The following ST6GAL2 variants were observed in gnomAD, a reference collection of about 807,000 sequenced individuals.
ST6GAL2 encodes the protein ST6 beta-galactoside alpha-2,6-sialyltransferase 2.
Under a neutral mutation model 37.5 loss-of-function variants are expected in ST6GAL2, and 24 were observed. That is an observed-to-expected ratio of 0.64 (90% CI 0.46 to 0.90). ST6GAL2 has a LOEUF of 0.90. Ranked by LOEUF, ST6GAL2 falls within the 40% of genes least tolerant of loss-of-function variation. The pLI, the probability that ST6GAL2 is intolerant of heterozygous loss-of-function variation, is 0.00. For missense variants in ST6GAL2, 715 were observed against 712.7 expected (o/e 1.00, Z -0.04); for synonymous variants, 306 against 295.1 (o/e 1.04, Z -0.38).
At chr2:106,809,727 G>A (rs1675540954) in intron 5 of ST6GAL2, among the ~76,000 whole-genome samples, 1 of 152,160 alleles carries the variant, frequency 6.6e-6, no homozygotes, top group South Asian at 2.1e-4. Context: ...TAGGTGAAAG[G>A]CCAGTTAGAG....
rs576252675 is a variant in ST6GAL2, at chr2:106,835,506, T to G, written c.944-1360A>C. Among the ~76,000 whole-genome samples the G allele has an allele frequency of 2.8e-4, 42 of 152,348 alleles. 3 individuals are homozygous for G. In the South Asian group the frequency reaches 5.0e-3, roughly 18 times the overall value. On this transcript the variant is annotated intron_variant, in intron 2 of 5. Transcript: ENST00000409382. ...AGCTTTAGCACCAAAATTAATTCAC[T>G]TTTGGAACATGTGAATGCATAAAGC...
Position 106,830,130 on chromosome 2 carries a change from C to T in ST6GAL2, c.1254G>A (p.Trp418Ter). The T allele has an allele frequency of 6.2e-7, 1 of 1,613,924 alleles. No individual in the cohort carries two copies. Among genetic ancestry groups the T allele is most frequent in the South Asian group, 1.1e-5 (1 of 91,076 alleles). ...CTTTAGTGTTCTCCTGGATAATATC[C>T]CAGAGCTGCCATATAAATTTAGGAT... ...ILHPKFIWQL[W>*]DIIQENTKEK... Residue 418 changes from tryptophan to a stop codon, truncating the protein, a stop_gained, in exon 5 of 6, where the codon TGG becomes TGA. Coordinates refer to ENST00000409382, the MANE Select transcript of ST6GAL2 (RefSeq NM_001142351.2). LOFTEE classifies it high-confidence loss of function.
At chr2:106,848,649 G>A (rs1379336933) in intron 1 of ST6GAL2, among the ~76,000 whole-genome samples, 6 of 152,210 alleles carry the variant, frequency 3.9e-5, no homozygotes, top group African/African-American at 1.4e-4. Flanking sequence ...GGTTTGACGA[G>A]TCAAGAAGCC....
In ST6GAL2 at chr2:106,812,965, T is replaced by TA. The variant is rs1192364037; in HGVS notation, c.1319-6017dup. The TA allele has an allele frequency of 1.7e-4, 172 of 1,033,298 alleles. 1 individual carries two copies. The African/African-American group carries it at 2.4e-3, about 14-fold the overall frequency. 64.0% of individuals were successfully genotyped at this position (1,033,298 alleles called of 1,614,324 possible). A position where few individuals can be genotyped will look rare whatever the true frequency, so the allele number is the denominator to read the frequency against. On this transcript the variant is annotated intron_variant, in intron 5 of 5. Transcript: ENST00000409382. ...ACAACTTTATCACTAATGAAAGTTT[T>TA]ACTGCTTTCAACATGAGGCTGGACT... is the stretch of plus-strand genomic sequence containing the variant.
intron 2 of ST6GAL2, among the ~76,000 whole-genome samples, chr2:106,837,876 T>C (rs1676712502): frequency 6.6e-6 from 1 of 152,220 alleles, no homozygotes. Flanking sequence ...CGCAGTGTAA[T>C]TCCTTTGGAG....
chr2:106,807,718 C>T (rs944825381), intron 5 of ST6GAL2, among the ~76,000 whole-genome samples: 11 of 151,666 alleles, frequency 7.3e-5, no homozygotes, highest in East Asian at 1.9e-4. Context: ...CCCCCTTCCC[C>T]GATTCACGCC....
intron 5 of ST6GAL2, among the ~76,000 whole-genome samples, chr2:106,808,490 CTTGT>C (rs1306490051): frequency 1.3e-5 from 2 of 152,202 alleles, no homozygotes; most frequent in African/African-American, 4.8e-5. Flanking sequence ...GTCAATTCCT[CTTGT>C]TTTTCTCCCA....
At chr2:106,807,051 G>C (rs1041975885) in intron 5 of ST6GAL2, 102 bp from the exon 6 acceptor site, 5 of 962,022 alleles carry the variant, frequency 5.2e-6, no homozygotes, top group Non-Finnish European at 7.6e-6. Context: ...ACTGTGGCAA[G>C]AGACACTTAC....
chr2:106,864,600 C>A (rs946641663), intron 1 of ST6GAL2, among the ~76,000 whole-genome samples: 14 of 152,116 alleles, frequency 9.2e-5, no homozygotes, highest in African/African-American at 3.1e-4. Flanking sequence ...AAGTTTTTTT[C>A]ATTTATTAGC....
At chr2:106,871,135 G>A (rs186826219) in intron 1 of ST6GAL2, among the ~76,000 whole-genome samples, 93 of 152,270 alleles carry the variant, frequency 6.1e-4, no homozygotes, top group Non-Finnish European at 1.0e-3. Context: ...TCACTGTACT[G>A]CATACTAGGC....
intron 1 of ST6GAL2, among the ~76,000 whole-genome samples, chr2:106,884,926 T>TACACAC (rs1678905910): frequency 8.1e-6 from 1 of 123,056 alleles, no homozygotes; most frequent in African/African-American, 3.5e-5. Flanking sequence ...TATATATATA[T>TACACAC]ATATATATAC....
In ST6GAL2 at chr2:106,806,678, T is replaced by A; in HGVS notation, c.1590A>T (p.Ter530TyrextTer28). ...CACATTGATTCCCAAGAAACCCTTT[T>A]TAAGAGTGTGGAATGACTGGACTTG... ...PAPSPVIPHS[*>Y] The change falls in exon 6 of 6, where the codon TAA (stop) becomes TAT (tyrosine). Residue 530 changes from the stop codon to tyrosine, a stop_lost. Transcript: ENST00000409382. 1 of 1,613,324 alleles carries A rather than the reference T, an allele frequency of 6.2e-7. No individual in the cohort carries two copies. The highest frequency in any genetic ancestry group is 1.1e-5 in the South Asian group (1 of 91,036).
In ST6GAL2 at chr2:106,866,130, G is replaced by A. The variant is rs183278719; in HGVS notation, c.-58+19963C>T. Among the ~76,000 whole-genome samples, 7 of 152,254 alleles carry A rather than the reference G, an allele frequency of 4.6e-5. No individual in the cohort carries two copies. The East Asian group carries it at 1.2e-3, about 25-fold the overall frequency. On this transcript the variant is annotated intron_variant, in intron 1 of 5. Coordinates refer to ENST00000409382, the MANE Select transcript of ST6GAL2 (RefSeq NM_001142351.2). ...TCATTTAAACAGAAGAACAACCTACGAGTTAGGTAATATTATGGCCTCAAT... is the reference window on the plus strand; with the variant it reads ...TCATTTAAACAGAAGAACAACCTACAAGTTAGGTAATATTATGGCCTCAAT...
Position 106,828,837 on chromosome 2 carries a change from G to A in ST6GAL2, c.1318+1229C>T, listed in dbSNP as rs146119226. Among the ~76,000 whole-genome samples the A allele has an allele frequency of 5.0e-3, 755 of 152,102 alleles. 6 individuals carry two copies. The highest frequency in any genetic ancestry group is 0.017 in the African/African-American group (713 of 41,500). On this transcript the variant is annotated intron_variant, in intron 5 of 5. Transcript: ENST00000409382. The stretch of plus-strand genomic sequence containing the variant: ...GGATATTCCTTAATATTACCCACTC[G>A]GGTAATATCAAAGAAACAATGGGGT...
rs186165287 is a variant in ST6GAL2 at position 106,815,753 on chromosome 2, C to T, written c.1319-8804G>A. 6.0e-4 allele frequency among the ~76,000 whole-genome samples: 91 copies of T among 152,280 alleles called. 1 individual carries two copies. The highest frequency in any genetic ancestry group is 2.2e-3 in the African/African-American group (91 of 41,552). On this transcript the variant is annotated intron_variant, in intron 5 of 5. Coordinates refer to ENST00000409382, the MANE Select transcript of ST6GAL2 (RefSeq NM_001142351.2). ...TAACTTGTTCAAGGTCATATAGCTA[C>T]TCAGTGGTAGGGCCAAGACTTGATT...
At chr2:106,835,701 T>C (rs945997938) in intron 2 of ST6GAL2, among the ~76,000 whole-genome samples, 1 of 152,160 alleles carries the variant, frequency 6.6e-6, no homozygotes, top group African/African-American at 2.4e-5. Flanking sequence ...ACTGCAGAGT[T>C]GAGTTGTTGA....
intron 1 of ST6GAL2, among the ~76,000 whole-genome samples, chr2:106,884,516 C>T (rs1188492043): frequency 2.6e-5 from 4 of 152,076 alleles, no homozygotes; most frequent in Admixed American, 2.6e-4. Flanking sequence ...GAGCTCAGTA[C>T]TCCATATAAA....
rs541573678 is a variant in ST6GAL2, at chr2:106,830,603, G to A, written c.1144-363C>T. On this transcript the variant is annotated intron_variant, in intron 4 of 5. Transcript: ENST00000409382. Reference sequence around the variant, plus strand: ...ACCATCGTAGCACGGAAGCAGTCATGGACAATAAATACTGAATGGGCGTGC... The same window carrying A: ...ACCATCGTAGCACGGAAGCAGTCATAGACAATAAATACTGAATGGGCGTGC... Among the ~76,000 whole-genome samples the A allele has an allele frequency of 6.3e-4, 96 of 152,178 alleles. 1 individual carries two copies. Among genetic ancestry groups the A allele is most frequent in the Non-Finnish European group, 1.2e-3 (85 of 68,036 alleles).
intron 1 of ST6GAL2, among the ~76,000 whole-genome samples, chr2:106,857,320 C>T (rs989364249): frequency 2.0e-5 from 3 of 151,990 alleles, no homozygotes; most frequent in East Asian, 1.9e-4. Context: ...ACACATAATA[C>T]GGCCAGGCAC....
Sources: gnomAD v4.1 joint callset for allele counts (sites outside exome capture counted in the v4.1 genomes callset) on GRCh38, gnomAD v4.1.1 for gene constraint, MANE v1.5 for transcripts, NCBI Gene and HGNC (gene_info 2026-07-23, HGNC 2026-07-21) for gene names.